LDB3: variants seen among roughly 807,000 people sequenced by gnomAD.
The protein encoded by LDB3 is LIM domain binding 3.
Under a neutral mutation model 69.0 loss-of-function variants are expected in LDB3, and 49 were observed. The ratio of observed to expected loss-of-function variants is 0.71; its 90% CI spans 0.56 to 0.90. The LOEUF (loss-of-function observed/expected upper bound fraction) is 0.90. Among genes scored for constraint, LDB3 ranks in the 40% least tolerant of loss-of-function variants. The pLI is 0.00. For synonymous variants in LDB3, 387 were observed against 396.2 expected, an observed-to-expected ratio of 0.98 and a Z score of 0.28; for missense variants, 928 against 974.1, an observed-to-expected ratio of 0.95 and a Z score of 0.63.
At position 86,735,981 on chromosome 10, in the gene LDB3, G is replaced by A. The variant is rs1426927064; in HGVS notation, c.*3005G>A. 1 of 151,152 alleles carries A rather than the reference G, an allele frequency of 6.6e-6. No homozygotes were observed. The highest frequency in any genetic ancestry group is 1.5e-5 in the Non-Finnish European group (1 of 67,898). 9.4% of individuals were successfully genotyped at this position (151,152 alleles called of 1,614,324 possible). ...GTGGAATGTAGCCTGTTAAAGGTGT[G>A]CACAAAAATATTTTGCATGTGTTTT... On this transcript the variant is annotated 3_prime_UTR_variant, in exon 14 of 14. Transcript: ENST00000361373.
At position 86,691,968 on chromosome 10, in the gene LDB3, C is replaced by A. The variant is rs1845784706; in HGVS notation, c.762C>A (p.Asn254Lys). The A allele has an allele frequency of 6.2e-6, 10 of 1,614,196 alleles. No individual in the cohort carries two copies. In the East Asian group the frequency reaches 2.2e-4, roughly 36 times the overall value. The change falls in exon 6 of 14, where the codon AAC becomes AAA. Residue 254 changes from asparagine to lysine, a missense_variant. Coordinates refer to ENST00000361373, the MANE Select transcript of LDB3 (RefSeq NM_007078.3). ...PVYQAVIKSQ[N>K]KPEDEADEWA... ...ACCAGGCTGTGATTAAGAGCCAGAA[C>A]AAGCCAGAAGATGAGGCTGACGAGT...
intron 8 of LDB3, among the ~76,000 whole-genome samples, 196 bp from the exon 9 acceptor site, chr10:86,709,709 T>C (rs1207413311): frequency 6.6e-6 from 1 of 152,196 alleles, no homozygotes; most frequent in Admixed American, 6.5e-5. Context: ...GCGGTGGCAC[T>C]AGCCACCCAA....
chr10:86,667,333 C>T (rs565860947), upstream of LDB3, among the ~76,000 whole-genome samples: 45 of 152,282 alleles, frequency 3.0e-4, no homozygotes, highest in South Asian at 1.5e-3. Flanking sequence ...AAGCAGCCAA[C>T]CCAGTTGCCT....
Position 86,709,971 on chromosome 10 carries a change from C to T in LDB3, c.1152C>T (p.Tyr384=), listed in dbSNP as rs755986114. Residue 384 remains tyrosine, a synonymous_variant, in exon 9 of 14, where the codon TAC becomes TAT. Coordinates refer to ENST00000361373, the MANE Select transcript of LDB3 (RefSeq NM_007078.3). ...ASSAPATHTS[Y]SEGPAAPAPK... ...CAGCACCTGCCACCCACACCAGCTA[C>T]AGTGAGGGCCCCGCCGCCCCTGCAC... 2 of 1,613,088 alleles carry T rather than the reference C, an allele frequency of 1.2e-6. No homozygotes were observed. Among genetic ancestry groups the T allele is most frequent in the East Asian group, 2.2e-5 (1 of 44,870 alleles).
At chr10:86,685,662 C>T in intron 5 of LDB3, 1 of 1,614,014 alleles carries the variant, frequency 6.2e-7, no homozygotes, top group Non-Finnish European at 8.5e-7. Flanking sequence ...GTCTTCTTTG[C>T]CCTTTTCCTC....
In LDB3 at chr10:86,732,767, G is replaced by A. The variant is rs964559697; in HGVS notation, c.2095-120G>A. ...GATCTGCCTGCCTTGGCCTTCCAAA[G>A]TGCTGGGATTACAGGACTGAGCCAC... On this transcript the variant is annotated intron_variant, in intron 13 of 13. Coordinates refer to ENST00000361373, the MANE Select transcript of LDB3 (RefSeq NM_007078.3). 8.0e-6 allele frequency: 6 copies of A among 750,068 alleles called. No individual in the cohort carries two copies. In the African/African-American group the frequency reaches 8.7e-5, roughly 11 times the overall value. 46.5% of individuals were successfully genotyped at this position (750,068 alleles called of 1,614,324 possible). A position where few individuals can be genotyped will look rare whatever the true frequency, so the allele number is the denominator to read the frequency against.
At chr10:86,697,215 CTTTTTTTTT>C (rs34215720) in intron 7 of LDB3, among the ~76,000 whole-genome samples, 1 of 77,782 alleles carries the variant, frequency 1.3e-5, no homozygotes, top group African/African-American at 5.2e-5. Context: ...TAGCAATTCA[CTTTTTTTTT>C]TTTTTTTTTT....
chr10:86,695,978 C>T (rs1845977735), intron 7 of LDB3, among the ~76,000 whole-genome samples: 2 of 152,208 alleles, frequency 1.3e-5, no homozygotes, highest in South Asian at 4.1e-4. Flanking sequence ...CCCCATCTTT[C>T]CAAGCGTTAG....
chr10:86,680,216 T>C lies in LDB3; in HGVS notation c.321+59T>C, dbSNP rs190256351. ...GCCCTGGTTCCTGGAGTGCTGGCCCTGGCCAGCCTGCCTGGTCTTTGGCTG... is the reference window on the plus strand; with the variant it reads ...GCCCTGGTTCCTGGAGTGCTGGCCCCGGCCAGCCTGCCTGGTCTTTGGCTG... On this transcript the variant is annotated intron_variant, in intron 4 of 13. Coordinates refer to ENST00000361373, the MANE Select transcript of LDB3 (RefSeq NM_007078.3). 196 of 1,488,854 alleles carry C rather than the reference T, an allele frequency of 1.3e-4. No individual in the cohort carries two copies. In the African/African-American group the frequency reaches 2.6e-3, roughly 20 times the overall value. The allele number at this position is 1,488,854 out of a possible 1,614,324, so 92.2% of individuals were successfully genotyped here.
Position 86,699,354 on chromosome 10 carries a change from A to G in LDB3, c.896+6783A>G. ...CTGGCACCATGGCCTTTCAGCCCAA[A>G]TCCTTAATGTTAAAAGCTAAAAGGC... is the stretch of plus-strand genomic sequence containing the variant. On this transcript the variant is annotated intron_variant, in intron 7 of 13. Transcript: ENST00000361373. The surrounding 1 kb of genome is among the most constrained non-coding windows in gnomAD (Gnocchi z 4.9). 6.2e-7 allele frequency: 1 copy of G among 1,613,878 alleles called. No individual in the cohort carries two copies. The highest frequency in any genetic ancestry group is 8.5e-7 in the Non-Finnish European group (1 of 1,179,976).
intron 8 of LDB3, among the ~76,000 whole-genome samples, chr10:86,708,765 A>G (rs139161023): frequency 6.2e-4 from 95 of 152,124 alleles, no homozygotes; most frequent in African/African-American, 2.0e-3. Flanking sequence ...GGCTCATTTT[A>G]TCTCCGCCTT....
intron 13 of LDB3, among the ~76,000 whole-genome samples, chr10:86,731,308 T>C (rs1847453161): frequency 7.1e-6 from 1 of 139,958 alleles, no homozygotes; most frequent in Non-Finnish European, 1.5e-5. Flanking sequence ...CACTGAAACC[T>C]CCGTCTTCCG....
chr10:86,691,079 A>G (rs2132412431), intron 5 of LDB3, among the ~76,000 whole-genome samples: 1 of 152,260 alleles, frequency 6.6e-6, no homozygotes, highest in East Asian at 1.9e-4. Flanking sequence ...CATGGCCTGC[A>G]CTGCAGTCTG....
At chr10:86,696,788 T>G (rs1846018868) in intron 7 of LDB3, among the ~76,000 whole-genome samples, 1 of 152,152 alleles carries the variant, frequency 6.6e-6, no homozygotes, top group African/African-American at 2.4e-5. Flanking sequence ...TCTCCACCCC[T>G]TTACCCCAAC....
At chr10:86,684,883 A>G (rs1845376584) in intron 5 of LDB3, among the ~76,000 whole-genome samples, 1 of 152,016 alleles carries the variant, frequency 6.6e-6, no homozygotes, top group Admixed American at 6.6e-5. Context: ...CACAGGACAG[A>G]CACTGCTTTC....
chr10:86,693,463 C>T (rs1189162796), intron 7 of LDB3, among the ~76,000 whole-genome samples: 1 of 152,268 alleles, frequency 6.6e-6, no homozygotes, highest in East Asian at 1.9e-4. Flanking sequence ...TACTTGCTAA[C>T]CAGCAGGCCC....
intron 3 of LDB3, among the ~76,000 whole-genome samples, 167 bp downstream of exon 3, chr10:86,679,685 TCG>T (rs1845004922): frequency 6.6e-6 from 1 of 152,146 alleles, no homozygotes; most frequent in African/African-American, 2.4e-5. Flanking sequence ...CAGGCCCAAG[TCG>T]CTGTCAAGCA....
In LDB3 at chr10:86,731,934, T is replaced by C. The variant is rs1451166534; in HGVS notation, c.2095-953T>C. Among the ~76,000 whole-genome samples, 6 of 152,066 alleles carry C rather than the reference T, an allele frequency of 3.9e-5. No homozygotes were observed. The East Asian group carries it at 1.2e-3, about 29-fold the overall frequency. On this transcript the variant is annotated intron_variant, in intron 13 of 13. Coordinates refer to ENST00000361373, the MANE Select transcript of LDB3 (RefSeq NM_007078.3). The stretch of plus-strand genomic sequence containing the variant: ...TGTTTTATTTGTCTTGCTAGATTAA[T>C]ATGTGTCTAGTGGTATCTCAGGGCA...
intron 5 of LDB3, among the ~76,000 whole-genome samples, chr10:86,689,200 G>A (rs974391699): frequency 6.6e-6 from 1 of 152,004 alleles, no homozygotes; most frequent in African/African-American, 2.4e-5. Flanking sequence ...TGTGTGCGCT[G>A]CCCCTCTGCT....
Sources: allele counts gnomAD v4.1 joint callset (sites outside exome capture counted in the v4.1 genomes callset), GRCh38; gene constraint gnomAD v4.1.1; non-coding constraint Gnocchi (gnomAD v3.1); transcripts MANE v1.5; gene names NCBI Gene and HGNC (gene_info 2026-07-23, HGNC 2026-07-21).